KALRN: variants seen among roughly 807,000 people sequenced by gnomAD.
KALRN encodes kalirin RhoGEF kinase.
Under a neutral mutation model 353.7 loss-of-function variants are expected in KALRN, and 70 were observed. The ratio of observed to expected loss-of-function variants is 0.20; its 90% CI spans 0.16 to 0.24. KALRN has a LOEUF of 0.24. KALRN is among the 10% of genes least tolerant of loss of function. The pLI is 1.00. For synonymous variants in KALRN, 1,391 were observed against 1,434.8 expected (o/e 0.97, Z 0.69); for missense variants, 2,791 against 3,756.7 (o/e 0.74, Z 6.72).
chr3:124,485,759 A>G (rs947469394), intron 28 of KALRN, among the ~76,000 whole-genome samples: 1 of 152,148 alleles, frequency 6.6e-6, no homozygotes, highest in African/African-American at 2.4e-5. Flanking sequence ...GTGCACCTGT[A>G]GTCCCAGCTA....
intron 1 of KALRN, among the ~76,000 whole-genome samples, chr3:124,135,489 G>GT (rs1428362536): frequency 5.3e-5 from 8 of 152,106 alleles, no homozygotes; most frequent in Non-Finnish European, 1.0e-4. Context: ...ACTTACACAT[G>GT]TAACCAAATA....
Position 124,434,425 on chromosome 3 carries a change from C to G in KALRN, c.2948C>G (p.Ala983Gly). ...HYDADAIREC[A>G]EKVALHWQQL... ...GATGCCGATGCCATCCGGGAATGTG[C>G]TGAGAAGGTGGCCCTCCACTGGCAG... The change falls in exon 17 of 60, where the codon GCT (alanine) becomes GGT (glycine). Residue 983 changes from alanine (A) to glycine (G), a missense_variant. Transcript: ENST00000682506. 6.2e-7 allele frequency: 1 copy of G among 1,614,214 alleles called. No individual in the cohort carries two copies. Among genetic ancestry groups the G allele is most frequent in the South Asian group, 1.1e-5 (1 of 91,086 alleles).
At chr3:124,395,380 C>A in intron 12 of KALRN, 37 bp downstream of exon 12, 2 of 1,539,706 alleles carry the variant, frequency 1.3e-6, no homozygotes, top group South Asian at 1.2e-5. Context: ...GGAAATGCCT[C>A]GGGCTAGACG....
intron 1 of KALRN, among the ~76,000 whole-genome samples, chr3:124,050,049 G>A (rs2040881597): frequency 6.6e-6 from 1 of 152,124 alleles, no homozygotes; most frequent in Non-Finnish European, 1.5e-5. Context: ...GGTGCATAGA[G>A]GTGTTTACAT....
chr3:124,051,685 A>G (rs1199844031), intron 1 of KALRN, among the ~76,000 whole-genome samples: 2 of 152,136 alleles, frequency 1.3e-5, no homozygotes, highest in South Asian at 2.1e-4. Flanking sequence ...TATACACTAT[A>G]CTCAATCCAG....
intron 10 of KALRN, among the ~76,000 whole-genome samples, chr3:124,382,874 T>C (rs917590579): frequency 1.3e-5 from 2 of 152,128 alleles, no homozygotes; most frequent in African/African-American, 4.8e-5. Flanking sequence ...CCCTTGCCTG[T>C]CATTCCCCTT....
At chr3:124,705,822 C>CCCAT (rs1553740575) in intron 57 of KALRN, among the ~76,000 whole-genome samples, 1 of 144,666 alleles carries the variant, frequency 6.9e-6, no homozygotes, top group Non-Finnish European at 1.5e-5. Context: ...CTTCCTTCCT[C>CCCAT]CCTTCCTTCC....
chr3:124,112,857 A>G (rs1045195168), intron 1 of KALRN, among the ~76,000 whole-genome samples: 1 of 152,140 alleles, frequency 6.6e-6, no homozygotes, highest in Non-Finnish European at 1.5e-5. Flanking sequence ...GGGGACAAGT[A>G]GGGTAAAAGT....
intron 14 of KALRN, 52 bp from the exon 15 acceptor site, chr3:124,422,760 A>G: frequency 1.4e-6 from 2 of 1,461,186 alleles, no homozygotes; most frequent in Non-Finnish European, 1.9e-6. Flanking sequence ...AAGGGAATGT[A>G]GCCTTCACAG....
chr3:124,274,109 G>C (rs1292849709), intron 5 of KALRN, among the ~76,000 whole-genome samples: 1 of 152,200 alleles, frequency 6.6e-6, no homozygotes, highest in Non-Finnish European at 1.5e-5. Context: ...GGAAGGGTGA[G>C]TGCTACTCAG....
At chr3:124,447,076 G>A (rs895008430) in intron 21 of KALRN, among the ~76,000 whole-genome samples, 191 bp downstream of exon 21, 2 of 152,156 alleles carry the variant, frequency 1.3e-5, no homozygotes, top group Non-Finnish European at 1.5e-5. Context: ...GCAGCTGCTG[G>A]GTAGAGCAGC....
intron 1 of KALRN, among the ~76,000 whole-genome samples, chr3:124,057,881 G>A (rs2041693128): frequency 6.6e-6 from 1 of 152,168 alleles, no homozygotes; most frequent in Admixed American, 6.5e-5. Context: ...AAGAAAATGA[G>A]ACTGGGCAAC....
intron 1 of KALRN, among the ~76,000 whole-genome samples, chr3:124,062,770 A>G (rs1212736899): frequency 2.0e-5 from 3 of 152,122 alleles, no homozygotes; most frequent in Non-Finnish European, 4.4e-5. Flanking sequence ...GAGAAAATGA[A>G]TTTGTGATGA....
chr3:124,694,451 C>A lies in KALRN; in HGVS notation c.7525C>A (p.Gln2509Lys). ...KPTITWKGPD[Q>K]NILDTDNSSA... ...CACCATCACTTGGAAGGGTCCAGAC[C>A]AGAACATCCTTGACACTGATAACAG... The change falls in exon 53 of 60, where the codon CAG becomes AAG. Residue 2509 changes from glutamine to lysine, a missense_variant. Coordinates refer to ENST00000682506, the MANE Select transcript of KALRN (RefSeq NM_001388419.1). 6.2e-7 allele frequency: 1 copy of A among 1,614,192 alleles called. No individual in the cohort carries two copies. Among genetic ancestry groups the A allele is most frequent in the South Asian group, 1.1e-5 (1 of 91,086 alleles).
At position 124,632,723 on chromosome 3, in the gene KALRN, G is replaced by A. The variant is rs753943765; in HGVS notation, c.5466+20G>A. The A allele has an allele frequency of 1.2e-6, 2 of 1,606,330 alleles. No homozygotes were observed. Among genetic ancestry groups the A allele is most frequent in the Non-Finnish European group, 1.7e-6 (2 of 1,174,952 alleles). On this transcript the variant is annotated intron_variant, in intron 35 of 59. Transcript: ENST00000682506. ...GATGAGGTACTTACAGGGGGCCCTG[G>A]AGTTGTCCATCAGGAGGGCCTTCTG...
Position 124,404,656 on chromosome 3 carries a change from CT to C in KALRN, c.2346+5799del, listed in dbSNP as rs34848980. The stretch of plus-strand genomic sequence containing the variant: ...TTTGTCACTCAAATTTAGTCTTTTT[CT>C]TTTTTTTTTTTTTGCACAGTTCTTC... On this transcript the variant is annotated intron_variant, in intron 13 of 59. Coordinates refer to ENST00000682506, the MANE Select transcript of KALRN (RefSeq NM_001388419.1). Among the ~76,000 whole-genome samples the C allele has an allele frequency of 4.5e-3, 588 of 131,388 alleles. 1 individual carries two copies. The highest frequency in any genetic ancestry group is 0.025 in the South Asian group (103 of 4,176). 86.2% of individuals were successfully genotyped at this position (131,388 alleles called of 152,430 possible). A position where few individuals can be genotyped will look rare whatever the true frequency, so the allele number is the denominator to read the frequency against.
At chr3:124,314,747 C>T (rs2078645363) in intron 6 of KALRN, among the ~76,000 whole-genome samples, 1 of 152,202 alleles carries the variant, frequency 6.6e-6, no homozygotes, top group South Asian at 2.1e-4. Context: ...GCCTCAACCT[C>T]CAGGGCTCAA....
intron 1 of KALRN, among the ~76,000 whole-genome samples, chr3:124,101,081 C>T (rs575066485): frequency 3.3e-5 from 5 of 152,296 alleles, no homozygotes; most frequent in East Asian, 1.9e-4. Flanking sequence ...TGTGTAAGAA[C>T]GCAATCTTTT....
Position 124,334,246 on chromosome 3 carries a change from A to T in KALRN, c.1417-19A>T, listed in dbSNP as rs199966254. The T allele has an allele frequency of 6.2e-7, 1 of 1,608,364 alleles. No individual in the cohort carries two copies. The highest frequency in any genetic ancestry group is 1.3e-5 in the African/African-American group (1 of 74,926). ...CTATCACCCTTTTCCCTTAACTTAA[A>T]CTTCTCTCTTTCCTGCAGGTCAGCC... is the stretch of plus-strand genomic sequence containing the variant. On this transcript the variant is annotated intron_variant, in intron 8 of 59. Coordinates refer to ENST00000682506, the MANE Select transcript of KALRN (RefSeq NM_001388419.1). The surrounding 1 kb of genome is among the most constrained non-coding windows in gnomAD (Gnocchi z 4.2).
Sources: gnomAD v4.1 joint callset for allele counts (sites outside exome capture counted in the v4.1 genomes callset) on GRCh38, gnomAD v4.1.1 for gene constraint, Gnocchi (gnomAD v3.1) non-coding constraint, MANE v1.5 for transcripts, NCBI Gene and HGNC (gene_info 2026-07-23, HGNC 2026-07-21) for gene names.